The following UGGT1 variants were observed in gnomAD, a reference collection of about 807,000 sequenced individuals.
UGGT1 encodes the protein UDP-glucose:glycoprotein glucosyltransferase 1.
UGGT1 carries 107 observed loss-of-function variants against 203.9 expected under a neutral mutation model. The ratio of observed to expected loss-of-function variants is 0.52; its 90% CI spans 0.45 to 0.62. UGGT1 has a LOEUF of 0.62. Among genes scored for constraint, UGGT1 ranks in the 20% least tolerant of loss-of-function variants. The pLI is 0.00. For synonymous variants in UGGT1, 628 were observed against 653.5 expected (o/e 0.96, Z 0.59); for missense variants, 1,673 against 1,867.2 (o/e 0.90, Z 1.92).
At chr2:128,128,330 G>C (rs1353129819) in intron 12 of UGGT1, among the ~76,000 whole-genome samples, 1 of 115,292 alleles carries the variant, frequency 8.7e-6, no homozygotes, top group Non-Finnish European at 2.0e-5. Flanking sequence ...TTTTTTTTTG[G>C]AGACGGAGTC....
chr2:128,163,670 C>T lies in UGGT1; in HGVS notation c.2826-1060C>T, dbSNP rs60632690. On this transcript the variant is annotated intron_variant, in intron 25 of 40. Coordinates refer to ENST00000259253, the MANE Select transcript of UGGT1 (RefSeq NM_020120.4). ...GCAGAGCTTGCAGTGAGCGAGATCG[C>T]GCCACTGCACTCCAGCCTGGGCGAT... Among the ~76,000 whole-genome samples the T allele has an allele frequency of 2.5e-3, 371 of 150,860 alleles. 1 individual carries two copies. Among genetic ancestry groups the T allele is most frequent in the Middle Eastern group, 0.014 (4 of 294 alleles).
intron 8 of UGGT1, 54 bp downstream of exon 8, chr2:128,116,397 G>A (rs1019498007): frequency 1.7e-6 from 2 of 1,160,924 alleles, no homozygotes; most frequent in Non-Finnish European, 2.6e-6. Flanking sequence ...TAAGCCTCCA[G>A]GCTTTCTTGC....
intron 2 of UGGT1, among the ~76,000 whole-genome samples, chr2:128,100,278 A>G (rs928087479): frequency 6.6e-6 from 1 of 152,130 alleles, no homozygotes; most frequent in African/African-American, 2.4e-5. Context: ...ACCTCAGGTG[A>G]TCTGCCCTCC....
chr2:128,143,826 ATT>A (rs202049261), intron 17 of UGGT1, among the ~76,000 whole-genome samples: 9 of 146,052 alleles, frequency 6.2e-5, no homozygotes, highest in African/African-American at 5.0e-5. Context: ...GACTAATGAG[ATT>A]TTTTTTTTTT....
In UGGT1 at chr2:128,160,659, G is replaced by T. The variant is rs1395136196; in HGVS notation, c.2694+68G>T. ...AGTCTTTGCAGCATTCTCCTCTGAA[G>T]CTAGTAAACTCTTCAGACAGAGCCA... is the stretch of plus-strand genomic sequence containing the variant. On this transcript the variant is annotated intron_variant, in intron 24 of 40. Transcript: ENST00000259253. 4 of 1,535,532 alleles carry T rather than the reference G, an allele frequency of 2.6e-6. No homozygotes were observed. In the East Asian group the frequency reaches 9.7e-5, roughly 37 times the overall value.
intron 40 of UGGT1, 121 bp downstream of exon 40, chr2:128,187,735 C>T: frequency 9.2e-7 from 1 of 1,088,260 alleles, no homozygotes; most frequent in Non-Finnish European, 1.3e-6. Flanking sequence ...TCCTTCCATT[C>T]TAACATCAAC....
In UGGT1 at chr2:128,128,875, T is replaced by G. The variant is rs139885950; in HGVS notation, c.1227-154T>G. Among the ~76,000 whole-genome samples, 335 of 152,366 alleles carry G rather than the reference T, an allele frequency of 2.2e-3. 3 individuals carry two copies. The highest frequency in any genetic ancestry group is 7.5e-3 in the African/African-American group (311 of 41,582). ...GTGTAAAAGTATAGATTTAGGGTTA[T>G]TTTATCCTCAATTTGTGTGTTTATT... On this transcript the variant is annotated intron_variant, in intron 12 of 40. Transcript: ENST00000259253.
At chr2:128,159,809 C>T (rs771793548) in intron 23 of UGGT1, 89 bp downstream of exon 23, 25 of 1,336,874 alleles carry the variant, frequency 1.9e-5, no homozygotes, top group East Asian at 9.4e-5. Flanking sequence ...TTCATGATCA[C>T]GATTTGTCAT....
At chr2:128,104,163 A>G in intron 3 of UGGT1, 149 bp downstream of exon 3, 1 of 560,098 alleles carries the variant, frequency 1.8e-6, no homozygotes, top group South Asian at 3.4e-5. Flanking sequence ...AGGAAGAGCC[A>G]ACACAACACA....
intron 25 of UGGT1, among the ~76,000 whole-genome samples, chr2:128,162,081 A>C (rs1690553613): frequency 6.6e-6 from 1 of 152,160 alleles, no homozygotes; most frequent in Non-Finnish European, 1.5e-5. Flanking sequence ...CGTGGGTATG[A>C]AGTGCTGTCT....
rs370651252 is a variant in UGGT1, at chr2:128,116,329, C to G, written c.858C>G (p.Leu286=). The G allele has an allele frequency of 7.6e-5, 123 of 1,609,918 alleles. No homozygotes were observed. Among genetic ancestry groups the G allele is most frequent in the Non-Finnish European group, 9.9e-5 (117 of 1,176,466 alleles). ...CTATTGATGAGGTTCAGGGGTTCCT[C>G]TTTGGAAAATTAAGGTATGTATGTT... The part of the protein sequence containing the change: ...NDPIDEVQGF[L]FGKLRDLHPD... Residue 286 remains leucine (L), a synonymous_variant, in exon 8 of 41, where the codon CTC becomes CTG. Coordinates refer to ENST00000259253, the MANE Select transcript of UGGT1 (RefSeq NM_020120.4).
chr2:128,141,399 CA>C (rs1689416500), intron 16 of UGGT1, among the ~76,000 whole-genome samples: 1 of 151,966 alleles, frequency 6.6e-6, no homozygotes, highest in Non-Finnish European at 1.5e-5. Flanking sequence ...ATCAAGAGAT[CA>C]AGACCATCCT....
chr2:128,161,359 A>G, intron 25 of UGGT1, 91 bp downstream of exon 25: 5 of 1,451,070 alleles, frequency 3.4e-6, no homozygotes, highest in African/African-American at 1.4e-5. Flanking sequence ...CTCATACTAC[A>G]TATCCCAAGG....
In UGGT1 at chr2:128,115,195, G is replaced by A. The variant is rs1688042320; in HGVS notation, c.768G>A (p.Lys256=). The A allele has an allele frequency of 6.2e-7, 1 of 1,613,848 alleles. No homozygotes were observed. The highest frequency in any genetic ancestry group is 1.7e-5 in the Admixed American group (1 of 59,984). ...TGGCCATTAAGAGCACTGAGTACAA[G>A]GCCAAGGATGATACTCAGGTGAAAG... ...VELAIKSTEY[K]AKDDTQVKGT... The change falls in exon 7 of 41, where the codon AAG becomes AAA. Residue 256 remains lysine (K), a synonymous_variant. Transcript: ENST00000259253.
intron 2 of UGGT1, among the ~76,000 whole-genome samples, chr2:128,098,393 C>T (rs921261616): frequency 4.6e-5 from 7 of 152,226 alleles, no homozygotes; most frequent in African/African-American, 7.2e-5. Context: ...ATTAGCTGAG[C>T]GTGCTGGCAT....
chr2:128,116,333 G>A lies in UGGT1; in HGVS notation c.862G>A (p.Gly288Arg), dbSNP rs1573518202. 2 of 1,605,212 alleles carry A rather than the reference G, an allele frequency of 1.2e-6. No individual in the cohort carries two copies. Among genetic ancestry groups the A allele is most frequent in the Non-Finnish European group, 1.7e-6 (2 of 1,172,174 alleles). Reference protein sequence around the residue: ...PIDEVQGFLFGKLRDLHPDLE... With the variant: ...PIDEVQGFLFRKLRDLHPDLE... ...TGATGAGGTTCAGGGGTTCCTCTTTGGAAAATTAAGGTATGTATGTTCTGT... is the reference window on the plus strand; with the variant it reads ...TGATGAGGTTCAGGGGTTCCTCTTTAGAAAATTAAGGTATGTATGTTCTGT... Residue 288 changes from glycine to arginine, a missense_variant, in exon 8 of 41, where the codon GGA (glycine) becomes AGA (arginine). Gly to Arg is a moderately radical substitution (Grantham distance 125, BLOSUM62 -2). Coordinates refer to ENST00000259253, the MANE Select transcript of UGGT1 (RefSeq NM_020120.4).
At chr2:128,189,148 T>A (rs1226458722) in intron 40 of UGGT1, among the ~76,000 whole-genome samples, 2 of 152,220 alleles carry the variant, frequency 1.3e-5, no homozygotes, top group Non-Finnish European at 2.9e-5. Flanking sequence ...CCGTTGTGGA[T>A]GTAGCTTGAT....
At chr2:128,145,719 C>T in intron 17 of UGGT1, 84 bp from the exon 18 acceptor site, 1 of 1,191,120 alleles carries the variant, frequency 8.4e-7, no homozygotes, top group Non-Finnish European at 1.1e-6. Flanking sequence ...GTTGTTAGAA[C>T]AGGCATGTAA....
chr2:128,123,597 G>A (rs1279293625), intron 11 of UGGT1, among the ~76,000 whole-genome samples: 1 of 151,992 alleles, frequency 6.6e-6, no homozygotes, highest in East Asian at 1.9e-4. Context: ...TTATATATTG[G>A]CCTCCTATTT....
Sources: allele counts gnomAD v4.1 joint callset (sites outside exome capture counted in the v4.1 genomes callset), GRCh38; gene constraint gnomAD v4.1.1; transcripts MANE v1.5; gene names NCBI Gene and HGNC (gene_info 2026-07-23, HGNC 2026-07-21).